APBB2: variants seen among roughly 807,000 people sequenced by gnomAD.
APBB2 encodes amyloid beta precursor protein binding family B member 2.
A neutral mutation model predicts 82.5 loss-of-function variants in APBB2; 38 were observed. That is an observed-to-expected ratio of 0.46 (90% CI 0.36 to 0.60). The LOEUF (loss-of-function observed/expected upper bound fraction) is 0.60. APBB2 is among the 20% of genes least tolerant of loss of function. APBB2 has a pLI of 0.00. For synonymous variants in APBB2, 341 were observed against 368.2 expected, an observed-to-expected ratio of 0.93 and a Z score of 0.85; for missense variants, 772 against 972.3, an observed-to-expected ratio of 0.79 and a Z score of 2.74.
intron 1 of APBB2, among the ~76,000 whole-genome samples, chr4:41,192,967 G>A (rs1439737833): frequency 6.6e-6 from 1 of 152,166 alleles, no homozygotes; most frequent in Non-Finnish European, 1.5e-5. Flanking sequence ...CAAGTGGGGT[G>A]GCCTGAGAGC....
At chr4:41,135,641 G>A (rs1374530765) in intron 2 of APBB2, among the ~76,000 whole-genome samples, 4 of 152,086 alleles carry the variant, frequency 2.6e-5, no homozygotes, top group Non-Finnish European at 5.9e-5. Flanking sequence ...TAAAATAAAT[G>A]ACTGTATGTC....
chr4:40,948,740 A>G (rs1031152549), intron 6 of APBB2, among the ~76,000 whole-genome samples: 1 of 143,362 alleles, frequency 7.0e-6, no homozygotes, highest in Non-Finnish European at 1.5e-5. Context: ...AATCTGGGTG[A>G]CAGAGTGAGA....
chr4:40,867,420 A>G (rs902872011), intron 12 of APBB2, among the ~76,000 whole-genome samples: 1 of 152,152 alleles, frequency 6.6e-6, no homozygotes, highest in African/African-American at 2.4e-5. Flanking sequence ...TAAATTAGCT[A>G]TTATTATTAT....
At position 40,954,513 on chromosome 4, in the gene APBB2, C is replaced by T. The variant is rs535126813; in HGVS notation, c.836-9440G>A. On this transcript the variant is annotated intron_variant, in intron 6 of 17. Coordinates refer to ENST00000508593, the MANE Select transcript of APBB2 (RefSeq NM_004307.2). ...GGGGAACTGCACACCCGGCCTAAGA[C>T]ACTAGTTCTCAAGCATGAGAGTCAC... Among the ~76,000 whole-genome samples, 3 of 152,242 alleles carry T rather than the reference C, an allele frequency of 2.0e-5. No homozygotes were observed. In the East Asian group the frequency reaches 5.8e-4, roughly 29 times the overall value.
At chr4:41,108,035 T>G (rs989399900) in intron 2 of APBB2, among the ~76,000 whole-genome samples, 1 of 152,210 alleles carries the variant, frequency 6.6e-6, no homozygotes, top group African/African-American at 2.4e-5. Context: ...ATAGGCTATG[T>G]GGGAAAATAT....
At chr4:40,919,116 C>A (rs1780622654) in intron 10 of APBB2, among the ~76,000 whole-genome samples, 2 of 152,126 alleles carry the variant, frequency 1.3e-5, no homozygotes, top group Admixed American at 6.5e-5. Context: ...TCCATTGTGG[C>A]TGAACCACTA....
intron 1 of APBB2, among the ~76,000 whole-genome samples, chr4:41,202,648 T>A (rs866603361): frequency 6.6e-6 from 1 of 152,354 alleles, no homozygotes; most frequent in Middle Eastern, 3.4e-3. Context: ...TCACATTGCG[T>A]TGTTTAACTT....
intron 2 of APBB2, among the ~76,000 whole-genome samples, chr4:41,112,786 G>A (rs911776905): frequency 3.9e-5 from 6 of 152,088 alleles, no homozygotes; most frequent in Non-Finnish European, 8.8e-5. Flanking sequence ...TCAGGAGTTC[G>A]AGACCAGCCT....
chr4:41,081,600 A>AT (rs1481940055), intron 3 of APBB2, among the ~76,000 whole-genome samples: 2 of 152,036 alleles, frequency 1.3e-5, no homozygotes, highest in Admixed American at 6.6e-5. Context: ...GTTATATAAA[A>AT]TTTTTTTTCC....
chr4:41,197,874 A>C, intron 1 of APBB2, among the ~76,000 whole-genome samples: 1 of 152,348 alleles, frequency 6.6e-6, no homozygotes, highest in South Asian at 2.1e-4. Context: ...TGATTTATGC[A>C]TTAACTCCCT....
At chr4:41,191,863 A>G (rs1188738527) in intron 1 of APBB2, among the ~76,000 whole-genome samples, 1 of 152,222 alleles carries the variant, frequency 6.6e-6, no homozygotes, top group Non-Finnish European at 1.5e-5. Flanking sequence ...GGGAAAAAGC[A>G]TTTGCAAACC....
At chr4:41,198,715 C>T (rs78002397) in intron 1 of APBB2, among the ~76,000 whole-genome samples, 2,090 of 152,274 alleles carry the variant, frequency 0.014, 58 homozygotes, top group African/African-American at 0.046. Context: ...TATTCTCTCT[C>T]GGTTCTAGAA....
At chr4:41,211,877 C>T (rs1779412504) in intron 1 of APBB2, among the ~76,000 whole-genome samples, 2 of 152,176 alleles carry the variant, frequency 1.3e-5, no homozygotes, top group South Asian at 2.1e-4. Flanking sequence ...GTTCCAGGTA[C>T]GTGTGCAGGA....
chr4:41,119,100 C>T (rs1412324189), intron 2 of APBB2, among the ~76,000 whole-genome samples: 1 of 151,828 alleles, frequency 6.6e-6, no homozygotes, highest in Non-Finnish European at 1.5e-5. Context: ...GATCATGCCA[C>T]TGCACTCCAG....
intron 10 of APBB2, among the ~76,000 whole-genome samples, chr4:40,928,425 CACA>C (rs754454979): frequency 0.13 from 7,407 of 58,878 alleles, 247 homozygotes; most frequent in Middle Eastern, 0.18. Flanking sequence ...CACACACACA[CACA>C]ATCAGCCAGG....
intron 3 of APBB2, among the ~76,000 whole-genome samples, chr4:41,087,275 A>T (rs957514753): frequency 2.0e-5 from 3 of 152,204 alleles, no homozygotes; most frequent in Non-Finnish European, 2.9e-5. Flanking sequence ...AACCCCAATG[A>T]TGTTTTCTGT....
At chr4:41,138,969 T>A (rs1758357738) in intron 2 of APBB2, among the ~76,000 whole-genome samples, 1 of 152,152 alleles carries the variant, frequency 6.6e-6, no homozygotes. Context: ...AATTACTTTC[T>A]TAATTTATAA....
At chr4:41,041,915 A>G (rs1009801057) in intron 4 of APBB2, among the ~76,000 whole-genome samples, 2 of 152,224 alleles carry the variant, frequency 1.3e-5, no homozygotes, top group Non-Finnish European at 2.9e-5. Flanking sequence ...AGTTATCTTT[A>G]TAACACTTAA....
chr4:40,876,726 TA>T (rs1578141680), intron 12 of APBB2, among the ~76,000 whole-genome samples: 3 of 152,336 alleles, frequency 2.0e-5, no homozygotes, highest in South Asian at 2.1e-4. Context: ...AAACTTGTAT[TA>T]TTTTTCATTG....
Sources: allele counts gnomAD v4.1 joint callset (sites outside exome capture counted in the v4.1 genomes callset), GRCh38; gene constraint gnomAD v4.1.1; transcripts MANE v1.5; gene names NCBI Gene and HGNC (gene_info 2026-07-23, HGNC 2026-07-21).